The following KIAA1217 variants were observed in gnomAD, a reference collection of about 807,000 sequenced individuals.
KIAA1217 encodes the protein KIAA1217.
KIAA1217 carries 88 observed loss-of-function variants against 163.9 expected under a neutral mutation model. The ratio of observed to expected loss-of-function variants is 0.54; its 90% CI spans 0.45 to 0.64. The LOEUF is 0.64. Ranked by LOEUF, KIAA1217 falls within the 30% of genes least tolerant of loss-of-function variation. KIAA1217 has a pLI of 0.00. For missense variants in KIAA1217, 2,372 were observed against 2,475.0 expected (o/e 0.96, Z 0.88); for synonymous variants, 903 against 923.1 (o/e 0.98, Z 0.39).
At chr10:24,410,826 C>T (rs1165069557) in intron 3 of KIAA1217, among the ~76,000 whole-genome samples, 1 of 152,204 alleles carries the variant, frequency 6.6e-6, no homozygotes, top group Non-Finnish European at 1.5e-5. Context: ...ATAAAAGCTA[C>T]ATTTCTGTTC....
chr10:24,467,841 G>A (rs1002288876), intron 5 of KIAA1217, among the ~76,000 whole-genome samples: 2 of 136,032 alleles, frequency 1.5e-5, no homozygotes, highest in African/African-American at 5.4e-5. Flanking sequence ...TGTGTGTGTT[G>A]CTTATTTATT....
At chr10:23,702,271 T>G (rs1238410377) in intron 1 of KIAA1217, among the ~76,000 whole-genome samples, 1 of 152,056 alleles carries the variant, frequency 6.6e-6, no homozygotes, top group Non-Finnish European at 1.5e-5. Context: ...TGGGAGGAAT[T>G]TGGACTCCAG....
At chr10:24,354,352 G>C (rs756966) in intron 2 of KIAA1217, among the ~76,000 whole-genome samples, 69,725 of 151,674 alleles carry the variant, frequency 0.46, 16,071 homozygotes, top group East Asian at 0.55. Flanking sequence ...GCATGCAGAT[G>C]GGCAGGTGCA....
At chr10:24,417,266 G>A (rs2058329919) in intron 3 of KIAA1217, among the ~76,000 whole-genome samples, 1 of 152,152 alleles carries the variant, frequency 6.6e-6, no homozygotes. Context: ...AAGAGGAACA[G>A]CTGCTGAGAG....
intron 2 of KIAA1217, among the ~76,000 whole-genome samples, chr10:24,283,368 A>G (rs2078178001): frequency 6.6e-6 from 1 of 152,070 alleles, no homozygotes. Flanking sequence ...TCATTGCTTC[A>G]TAAGAAACTG....
chr10:24,515,107 C>T (rs778955169), intron 10 of KIAA1217, among the ~76,000 whole-genome samples: 4 of 151,786 alleles, frequency 2.6e-5, no homozygotes, highest in Non-Finnish European at 5.9e-5. Context: ...TGCTCTGTTG[C>T]CCAGGCTGGA....
At chr10:23,987,862 C>T (rs954416843) in intron 1 of KIAA1217, among the ~76,000 whole-genome samples, 2 of 151,996 alleles carry the variant, frequency 1.3e-5, no homozygotes, top group Non-Finnish European at 2.9e-5. Flanking sequence ...CACAAAACCT[C>T]TCATTGTTAT....
chr10:23,922,613 G>T (rs117766813), intron 1 of KIAA1217, among the ~76,000 whole-genome samples: 1 of 152,184 alleles, frequency 6.6e-6, no homozygotes, highest in East Asian at 1.9e-4. Context: ...CCCAGTTGGT[G>T]TCTACAGAGA....
At chr10:23,874,578 A>C (rs181173986) in intron 1 of KIAA1217, among the ~76,000 whole-genome samples, 79 of 152,144 alleles carry the variant, frequency 5.2e-4, no homozygotes, top group Non-Finnish European at 2.5e-4. Flanking sequence ...CTTTGCTCAT[A>C]TCTCCTTAAT....
chr10:24,037,972 G>T (rs1848469084), intron 2 of KIAA1217, among the ~76,000 whole-genome samples: 2 of 152,032 alleles, frequency 1.3e-5, no homozygotes, highest in African/African-American at 2.4e-5. Context: ...TATGTATTTT[G>T]CAAGCCAACT....
chr10:23,977,535 A>T (rs1023918149), intron 1 of KIAA1217, among the ~76,000 whole-genome samples: 12 of 152,196 alleles, frequency 7.9e-5, no homozygotes, highest in Non-Finnish European at 1.5e-4. Context: ...GAAAGTAACA[A>T]GAAAAAAGAA....
At chr10:23,804,797 C>T (rs1488699162) in intron 1 of KIAA1217, among the ~76,000 whole-genome samples, 2 of 152,076 alleles carry the variant, frequency 1.3e-5, no homozygotes, top group African/African-American at 4.8e-5. Context: ...CTATATTGCT[C>T]CTATTAGTCT....
intron 1 of KIAA1217, among the ~76,000 whole-genome samples, chr10:23,974,963 G>T (rs1469074025): frequency 6.6e-6 from 1 of 151,958 alleles, no homozygotes; most frequent in Non-Finnish European, 1.5e-5. Context: ...ACGAGCCCTG[G>T]GTGTAGCTGT....
In KIAA1217 at chr10:23,756,064, T is replaced by C. The variant is rs185937758; in HGVS notation, c.-321+60830T>C. On this transcript the variant is annotated intron_variant, in intron 1 of 18. Transcript: ENST00000376462. Reference sequence around the variant, plus strand: ...CTCAAACTCCCAGGATCAAGGGATCTTCCCACTTCAGCCTCCCAAGTATCT... The same window carrying C: ...CTCAAACTCCCAGGATCAAGGGATCCTCCCACTTCAGCCTCCCAAGTATCT... Among the ~76,000 whole-genome samples the C allele has an allele frequency of 1.1e-3, 169 of 151,974 alleles. 12 individuals carry two copies. In the East Asian group the frequency reaches 0.026, roughly 24 times the overall value.
intron 1 of KIAA1217, among the ~76,000 whole-genome samples, chr10:23,847,547 G>A (rs941175164): frequency 6.6e-5 from 10 of 152,080 alleles, no homozygotes; most frequent in Admixed American, 6.6e-4. Context: ...ATGGTAGTTT[G>A]TATTTCTGTG....
At chr10:23,989,482 T>C (rs72649704) in intron 1 of KIAA1217, among the ~76,000 whole-genome samples, 4,321 of 152,286 alleles carry the variant, frequency 0.028, 169 homozygotes, top group East Asian at 0.13. Flanking sequence ...GGCCTGTGTG[T>C]TCAGATTCTC....
At chr10:23,951,963 C>T (rs1589134040) in intron 1 of KIAA1217, among the ~76,000 whole-genome samples, 1 of 152,132 alleles carries the variant, frequency 6.6e-6, no homozygotes, top group Admixed American at 6.5e-5. Flanking sequence ...CTTAGGACTC[C>T]AGAGATCCAT....
chr10:24,118,630 A>T (rs1564722530), intron 2 of KIAA1217, among the ~76,000 whole-genome samples: 1 of 152,304 alleles, frequency 6.6e-6, no homozygotes, highest in East Asian at 1.9e-4. Context: ...GAGATAGCGG[A>T]GACAGTTACA....
chr10:24,483,148 G>C (rs1172550324), intron 6 of KIAA1217: 2 of 152,104 alleles, frequency 1.3e-5, no homozygotes, highest in African/African-American at 4.8e-5. Flanking sequence ...GGTCCTAATA[G>C]CTGACTTTAC....
Sources: gnomAD v4.1 joint callset for allele counts (sites outside exome capture counted in the v4.1 genomes callset) on GRCh38, gnomAD v4.1.1 for gene constraint, MANE v1.5 for transcripts, NCBI Gene and HGNC (gene_info 2026-07-23, HGNC 2026-07-21) for gene names.